The following TRDN variants were observed in gnomAD, a reference collection of about 807,000 sequenced individuals.
TRDN encodes the protein triadin in skeletal muscle.
A neutral mutation model predicts 149.7 loss-of-function variants in TRDN; 161 were observed. The ratio of observed to expected loss-of-function variants is 1.08; its 90% CI spans 0.95 to 1.23. TRDN has a LOEUF of 1.23. TRDN is among the 50% of genes most tolerant of loss of function. The pLI is 0.00. For synonymous variants in TRDN, 294 were observed against 250.5 expected (o/e 1.17, Z -1.64); for missense variants, 896 against 823.5 (o/e 1.09, Z -1.08).
intron 24 of TRDN, among the ~76,000 whole-genome samples, chr6:123,281,568 G>A (rs918795546): frequency 2.0e-5 from 3 of 152,026 alleles, no homozygotes; most frequent in Admixed American, 6.6e-5. Flanking sequence ...TCTAACACAT[G>A]TATTGACACA....
At chr6:123,387,560 A>C (rs1231323278) in intron 14 of TRDN, among the ~76,000 whole-genome samples, 1 of 152,144 alleles carries the variant, frequency 6.6e-6, no homozygotes, top group South Asian at 2.1e-4. Context: ...TCAAGTGAGA[A>C]CGACAGTGAG....
At chr6:123,583,650 G>C (rs540460296) in intron 1 of TRDN, among the ~76,000 whole-genome samples, 1 of 152,112 alleles carries the variant, frequency 6.6e-6, no homozygotes, top group African/African-American at 2.4e-5. Flanking sequence ...AGGTAGGAAG[G>C]CTAAACTGAG....
intron 2 of TRDN, among the ~76,000 whole-genome samples, chr6:123,549,645 A>T (rs1583226361): frequency 6.6e-6 from 1 of 152,056 alleles, no homozygotes; most frequent in African/African-American, 2.4e-5. Context: ...GAGCAGAAAG[A>T]TGAAGTGATT....
chr6:123,322,788 C>T (rs1037550934), intron 23 of TRDN, among the ~76,000 whole-genome samples: 96 of 151,926 alleles, frequency 6.3e-4, no homozygotes, highest in African/African-American at 2.2e-3. Context: ...CTATAGGTGC[C>T]TACCACCACG....
chr6:123,630,415 A>C (rs1785927270), intron 1 of TRDN, among the ~76,000 whole-genome samples: 1 of 151,990 alleles, frequency 6.6e-6, no homozygotes, highest in Non-Finnish European at 1.5e-5. Context: ...GCACTGTTTT[A>C]TGTTTCTCTC....
intron 23 of TRDN, among the ~76,000 whole-genome samples, chr6:123,318,858 T>C (rs1779135709): frequency 6.6e-6 from 1 of 152,074 alleles, no homozygotes; most frequent in South Asian, 2.1e-4. Context: ...ACACAGAATT[T>C]TGTAAGCACT....
Position 123,636,864 on chromosome 6 carries a change from G to A in TRDN, c.-89C>T. 6.7e-7 allele frequency: 1 copy of A among 1,500,794 alleles called. No homozygotes were observed. Among genetic ancestry groups the A allele is most frequent in the Non-Finnish European group, 9.3e-7 (1 of 1,080,458 alleles). 93.0% of individuals were successfully genotyped at this position (1,500,794 alleles called of 1,614,324 possible). A position where few individuals can be genotyped will look rare whatever the true frequency, so the allele number is the denominator to read the frequency against. ...TGGGGATTTGAGAACTCTGGTGGAG[G>A]GTTCTGTGTCAAAACCTGGGGGCTC... On this transcript the variant is annotated 5_prime_UTR_variant, in exon 1 of 41. Transcript: ENST00000334268.
At chr6:123,486,377 T>C (rs970098740) in intron 9 of TRDN, among the ~76,000 whole-genome samples, 1 of 151,914 alleles carries the variant, frequency 6.6e-6, no homozygotes, top group Admixed American at 6.6e-5. Context: ...TTTGCAGTCT[T>C]ATTCAATAAA....
rs114094939 is a variant in TRDN at position 123,223,204 on chromosome 6, G to A, written c.2014+889C>T. Among the ~76,000 whole-genome samples, 874 of 151,786 alleles carry A rather than the reference G, an allele frequency of 5.8e-3. 10 individuals are homozygous for A. The highest frequency in any genetic ancestry group is 0.02 in the African/African-American group (841 of 41,486). ...ATGCAGGAACAGAAATCCATATACA[G>A]CATGTTCTCACTTAAAGTGGGAGCT... is the stretch of plus-strand genomic sequence containing the variant. On this transcript the variant is annotated intron_variant, in intron 39 of 40. Coordinates refer to ENST00000334268, the MANE Select transcript of TRDN (RefSeq NM_006073.4).
chr6:123,601,882 T>C (rs1476446884), intron 1 of TRDN, among the ~76,000 whole-genome samples: 4 of 152,158 alleles, frequency 2.6e-5, no homozygotes, highest in Non-Finnish European at 1.5e-5. Flanking sequence ...GGTTGGCAGC[T>C]AGTCTCATTC....
intron 2 of TRDN, among the ~76,000 whole-genome samples, chr6:123,568,260 G>A (rs551819096): frequency 6.6e-6 from 1 of 152,198 alleles, no homozygotes; most frequent in Non-Finnish European, 1.5e-5. Flanking sequence ...GTTTTGCAGG[G>A]TTCAGCCCTG....
rs1776899370 is a variant in TRDN, at chr6:123,265,240, TCA to T, written c.1804+76_1804+77del. 11 of 1,099,300 alleles carry T rather than the reference TCA, an allele frequency of 1.0e-5. No individual in the cohort carries two copies. The South Asian group carries it at 1.7e-4, about 17-fold the overall frequency. The allele number at this position is 1,099,300 out of a possible 1,614,324, so 68.1% of individuals were successfully genotyped here. A position where few individuals can be genotyped will look rare whatever the true frequency, so the allele number is the denominator to read the frequency against. On this transcript the variant is annotated intron_variant, in intron 33 of 40. Transcript: ENST00000334268. ...AACAAACAGACCATACTATTTAACT[TCA>T]GTTATAACTCAAAGAAATTGTGAAA...
At chr6:123,224,670 C>T (rs13218786) in intron 38 of TRDN, among the ~76,000 whole-genome samples, 37,837 of 151,586 alleles carry the variant, frequency 0.25, 5,646 homozygotes, top group Non-Finnish European at 0.34. Flanking sequence ...AAGATAGTCT[C>T]TTCAATATAT....
intron 38 of TRDN, among the ~76,000 whole-genome samples, chr6:123,231,344 C>T (rs1014308917): frequency 2.0e-5 from 3 of 151,950 alleles, no homozygotes; most frequent in Non-Finnish European, 4.4e-5. Context: ...ATTCCTCTTA[C>T]GTAGATCAAA....
chr6:123,328,217 C>G (rs1005911692), intron 23 of TRDN, among the ~76,000 whole-genome samples: 1 of 152,194 alleles, frequency 6.6e-6, no homozygotes, highest in Non-Finnish European at 1.5e-5. Flanking sequence ...TAAATCTTCC[C>G]TGGTGGCAAG....
chr6:123,401,746 A>T (rs1382970617), intron 12 of TRDN, among the ~76,000 whole-genome samples: 1 of 152,030 alleles, frequency 6.6e-6, no homozygotes, highest in Admixed American at 6.6e-5. Context: ...GGAGTTCGAG[A>T]CAGCCTACTG....
chr6:123,218,031 T>G lies in TRDN; in HGVS notation c.*570A>C, dbSNP rs1039012524. ...AGCTCTAAAAGAGTATCACAAGAAA[T>G]TTATAGCAGTCTGTAGTACAACTAT... On this transcript the variant is annotated 3_prime_UTR_variant, in exon 41 of 41. Coordinates refer to ENST00000334268, the MANE Select transcript of TRDN (RefSeq NM_006073.4). The G allele has an allele frequency of 6.6e-6, 1 of 151,908 alleles. No individual in the cohort carries two copies. Among genetic ancestry groups the G allele is most frequent in the African/African-American group, 2.4e-5 (1 of 41,402 alleles). The allele number at this position is 151,908 out of a possible 1,614,324, so 9.4% of individuals were successfully genotyped here. A position where few individuals can be genotyped will look rare whatever the true frequency, so the allele number is the denominator to read the frequency against.
At chr6:123,635,633 C>G (rs951675429) in intron 1 of TRDN, among the ~76,000 whole-genome samples, 102 of 152,012 alleles carry the variant, frequency 6.7e-4, no homozygotes, top group African/African-American at 2.3e-3. Context: ...CTAAAAATCT[C>G]CAACAGAAAT....
At chr6:123,523,151 G>C (rs1391593414) in intron 5 of TRDN, among the ~76,000 whole-genome samples, 1 of 152,146 alleles carries the variant, frequency 6.6e-6, no homozygotes, top group Non-Finnish European at 1.5e-5. Flanking sequence ...ACTTCTTAAA[G>C]GAACTGACAC....
Sources: gnomAD v4.1 joint callset for allele counts (sites outside exome capture counted in the v4.1 genomes callset) on GRCh38, gnomAD v4.1.1 for gene constraint, MANE v1.5 for transcripts, NCBI Gene and HGNC (gene_info 2026-07-23, HGNC 2026-07-21) for gene names.